Variants in ZNF627 observed in about 807,000 individuals in gnomAD.
The protein encoded by ZNF627 is zinc finger protein 627.
In ZNF627, 12 loss-of-function variants were observed where a neutral mutation model predicts 10.6. That is an observed-to-expected ratio of 1.13 (90% CI 0.73 to 1.84). The LOEUF is 1.84. ZNF627 is among the 40% of genes most tolerant of loss of function. The pLI, the probability that ZNF627 is intolerant of heterozygous loss-of-function variation, is 0.00. For missense variants in ZNF627, 504 were observed against 568.4 expected (o/e 0.89, Z 1.15); for synonymous variants, 176 against 187.1 (o/e 0.94, Z 0.48).
chr19:11,616,533 G>C (rs1973870518), intron 3 of ZNF627, among the ~76,000 whole-genome samples, 162 bp from the exon 4 acceptor site: 1 of 152,146 alleles, frequency 6.6e-6, no homozygotes, highest in South Asian at 2.1e-4. Flanking sequence ...AGAGGTGAGA[G>C]GATCCCTTGA....
intron 1 of ZNF627, 149 bp from the exon 2 acceptor site, chr19:11,614,378 G>C: frequency 7.8e-7 from 1 of 1,288,274 alleles, no homozygotes; most frequent in South Asian, 1.4e-5. Context: ...AAGGAAGTGA[G>C]TCTAGACAGA....
chr19:11,618,697 A>C lies in ZNF627; in HGVS notation c.*808A>C, dbSNP rs1973922085. The C allele has an allele frequency of 1.3e-5, 2 of 152,320 alleles. No homozygotes were observed. Among genetic ancestry groups the C allele is most frequent in the East Asian group, 3.9e-4 (2 of 5,176 alleles). The allele number at this position is 152,320 out of a possible 1,614,324, so 9.4% of individuals were successfully genotyped here. A position where few individuals can be genotyped will look rare whatever the true frequency, so the allele number is the denominator to read the frequency against. ...GATGTGAGAATGAGCACTTTCCTCT[A>C]TCAGGAAATTTCAAGTGTTTCCTGT... On this transcript the variant is annotated 3_prime_UTR_variant, in exon 4 of 4. Transcript: ENST00000361113.
chr19:11,613,644 C>T (rs1973816999), intron 1 of ZNF627, among the ~76,000 whole-genome samples: 1 of 152,120 alleles, frequency 6.6e-6, no homozygotes, highest in African/African-American at 2.4e-5. Context: ...GCGTGAGCCA[C>T]CGTGCCCAGC....
chr19:11,617,807 G>A lies in ZNF627; in HGVS notation c.1304G>A (p.Arg435Gln), dbSNP rs370522446. 64 of 1,609,496 alleles carry A rather than the reference G, an allele frequency of 4.0e-5. 1 individual carries two copies. The highest frequency in any genetic ancestry group is 2.9e-4 in the Admixed American group (17 of 59,008). Residue 435 changes from arginine to glutamine, a missense_variant, in exon 4 of 4, where the codon CGA becomes CAA. Transcript: ENST00000361113. Reference protein sequence around the residue: ...GKAFSRSTYFRVHEKIHTGEK... With the variant: ...GKAFSRSTYFQVHEKIHTGEK... ...GCCTTCAGTCGATCCACTTACTTTC[G>A]AGTACATGAAAAAATTCATACTGGA...
chr19:11,605,125 C>T (rs1478975557), intron 1 of ZNF627, among the ~76,000 whole-genome samples: 2 of 140,742 alleles, frequency 1.4e-5, no homozygotes, highest in Non-Finnish European at 3.0e-5. Context: ...GCTCTGTCAC[C>T]CAGGCTGGAG....
chr19:11,614,598 G>A lies in ZNF627; in HGVS notation c.75G>A (p.Gln25=), dbSNP rs12151212. ...LEEWALLDPS[Q]KNLYRDVMRE... is the part of the protein sequence containing the mutation. ...AGTGGGCTTTGCTGGATCCTTCCCA[G>A]AAGAATCTCTACAGGGATGTGATGC... is the stretch of plus-strand genomic sequence containing the variant. Residue 25 remains glutamine, a synonymous_variant, in exon 2 of 4, where the codon CAG becomes CAA. Transcript: ENST00000361113. The A allele has an allele frequency of 0.19, 306,507 of 1,613,548 alleles. 31,049 individuals carry two copies. The highest frequency in any genetic ancestry group is 0.21 in the South Asian group (19,358 of 91,072).
chr19:11,617,886 A>T lies in ZNF627; in HGVS notation c.1383A>T (p.Ser461=), dbSNP rs1973907112. 6.5e-7 allele frequency: 1 copy of T among 1,530,518 alleles called. No individual in the cohort carries two copies. The highest frequency in any genetic ancestry group is 8.7e-7 in the Non-Finnish European group (1 of 1,149,320). 94.8% of individuals were successfully genotyped at this position (1,530,518 alleles called of 1,614,324 possible). A position where few individuals can be genotyped will look rare whatever the true frequency, so the allele number is the denominator to read the frequency against. The change falls in exon 4 of 4, where the codon TCA becomes TCT. Residue 461 remains serine (S), a synonymous_variant. Coordinates refer to ENST00000361113, the MANE Select transcript of ZNF627 (RefSeq NM_145295.4). ...ACGCTTCAGTTGTCCCAGTTCTTTC[A>T]TGAGCATGAAAGGAGTCACATAGAG... is the stretch of plus-strand genomic sequence containing the variant. ...NPNASVVPVL[S]
Position 11,618,122 on chromosome 19 carries a change from G to A in ZNF627, c.*233G>A. On this transcript the variant is annotated 3_prime_UTR_variant, in exon 4 of 4. Coordinates refer to ENST00000361113, the MANE Select transcript of ZNF627 (RefSeq NM_145295.4). ...GGTAGGTTAGGAACTAGATTTCCCA[G>A]AATCCATTCCATTTGTGATTCCATG... is the stretch of plus-strand genomic sequence containing the variant. 1 of 441,394 alleles carries A rather than the reference G, an allele frequency of 2.3e-6. No homozygotes were observed. The highest frequency in any genetic ancestry group is 4.0e-6 in the Non-Finnish European group (1 of 252,892). 27.3% of individuals were successfully genotyped at this position (441,394 alleles called of 1,614,324 possible). A position where few individuals can be genotyped will look rare whatever the true frequency, so the allele number is the denominator to read the frequency against.
chr19:11,597,499 C>G lies in ZNF627; in HGVS notation c.-129C>G, dbSNP rs1973507099. 4.9e-6 allele frequency: 5 copies of G among 1,016,458 alleles called. No homozygotes were observed. The highest frequency in any genetic ancestry group is 6.4e-6 in the Non-Finnish European group (5 of 775,250). 63.0% of individuals were successfully genotyped at this position (1,016,458 alleles called of 1,614,324 possible). On this transcript the variant is annotated 5_prime_UTR_variant, in exon 1 of 4. Coordinates refer to ENST00000361113, the MANE Select transcript of ZNF627 (RefSeq NM_145295.4). ...GGAGCCTTTGTTTCTGGCGACCGTCCCCACCCGGGCTCGCGTCTCCGTTTC... is the reference window on the plus strand; with the variant it reads ...GGAGCCTTTGTTTCTGGCGACCGTCGCCACCCGGGCTCGCGTCTCCGTTTC...
intron 1 of ZNF627, among the ~76,000 whole-genome samples, chr19:11,599,204 G>A (rs1375615604): frequency 6.6e-6 from 1 of 152,152 alleles, no homozygotes; most frequent in African/African-American, 2.4e-5. Context: ...CCACTGGACA[G>A]CCTGAAGTAC....
chr19:11,618,640 A>G lies in ZNF627; in HGVS notation c.*751A>G, dbSNP rs1321999796. The G allele has an allele frequency of 6.6e-6, 1 of 152,182 alleles. No homozygotes were observed. 9.4% of individuals were successfully genotyped at this position (152,182 alleles called of 1,614,324 possible). The stretch of plus-strand genomic sequence containing the variant: ...AGAGGGGAGCTTGTTCTTCTGCTGT[A>G]GTGTGCAGTGACTGGCCTCACCCAG... On this transcript the variant is annotated 3_prime_UTR_variant, in exon 4 of 4. Coordinates refer to ENST00000361113, the MANE Select transcript of ZNF627 (RefSeq NM_145295.4).
In ZNF627 at chr19:11,617,302, C is replaced by A. The variant is rs759133526; in HGVS notation, c.799C>A (p.Arg267=). ...AGCTTTCAGTTGTTCCAAGTACATT[C>A]GAATCCATGAACGAACTCACACAGG... ...GKAFSCSKYI[R]IHERTHTGEK... is the part of the protein sequence containing the mutation. Residue 267 remains arginine (R), a synonymous_variant, in exon 4 of 4, where the codon CGA becomes AGA. Transcript: ENST00000361113. The A allele has an allele frequency of 2.1e-5, 34 of 1,613,816 alleles. No homozygotes were observed. Among genetic ancestry groups the A allele is most frequent in the Non-Finnish European group, 2.4e-5 (28 of 1,179,992 alleles).
intron 3 of ZNF627, among the ~76,000 whole-genome samples, chr19:11,615,102 A>T (rs1973843964): frequency 6.6e-6 from 1 of 151,504 alleles, no homozygotes; most frequent in South Asian, 2.1e-4. Flanking sequence ...ACGTGCCACC[A>T]CGCCGAGCTA....
At chr19:11,608,979 C>T (rs1973719701) in intron 1 of ZNF627, among the ~76,000 whole-genome samples, 1 of 152,144 alleles carries the variant, frequency 6.6e-6, no homozygotes, top group African/African-American at 2.4e-5. Flanking sequence ...TCAAGCCATC[C>T]TCCTGCCTCA....
intron 1 of ZNF627, among the ~76,000 whole-genome samples, chr19:11,603,501 G>A (rs1973623754): frequency 6.6e-6 from 1 of 151,410 alleles, no homozygotes; most frequent in Admixed American, 6.6e-5. Context: ...TGTCTAAGCT[G>A]GTCTTGAACT....
intron 1 of ZNF627, among the ~76,000 whole-genome samples, chr19:11,598,903 C>T (rs1054860182): frequency 6.6e-6 from 1 of 152,122 alleles, no homozygotes; most frequent in African/African-American, 2.4e-5. Context: ...TTTGGTTGGC[C>T]TGGTGCCATG....
At chr19:11,609,933 T>C (rs1973744908) in intron 1 of ZNF627, among the ~76,000 whole-genome samples, 1 of 152,164 alleles carries the variant, frequency 6.6e-6, no homozygotes, top group Non-Finnish European at 1.5e-5. Context: ...CTTCGTCCAG[T>C]GAGCGCAATA....
intron 1 of ZNF627, among the ~76,000 whole-genome samples, chr19:11,609,471 T>TTTTATATA (rs1973729284): frequency 3.7e-5 from 2 of 54,016 alleles, no homozygotes; most frequent in African/African-American, 8.4e-5. Context: ...TTAAAAAATT[T>TTTTATATA]TATATATATA....
chr19:11,600,397 G>A (rs1000939735), intron 1 of ZNF627, among the ~76,000 whole-genome samples: 11 of 151,740 alleles, frequency 7.2e-5, no homozygotes, highest in East Asian at 1.9e-4. Context: ...CCATGATTGC[G>A]CCACTGCACT....
Sources: allele counts gnomAD v4.1 joint callset (sites outside exome capture counted in the v4.1 genomes callset), GRCh38; gene constraint gnomAD v4.1.1; transcripts MANE v1.5; gene names NCBI Gene and HGNC (gene_info 2026-07-23, HGNC 2026-07-21).